Variants in UBE2D4 observed in about 807,000 individuals in gnomAD.
UBE2D4 encodes ubiquitin-conjugating enzyme E2 D4.
UBE2D4 carries 17 observed loss-of-function variants against 23.0 expected under a neutral mutation model. The ratio of observed to expected loss-of-function variants is 0.74; its 90% CI spans 0.51 to 1.11. The LOEUF (loss-of-function observed/expected upper bound fraction) is 1.11. Ranked by LOEUF, UBE2D4 falls within the 50% of genes least tolerant of loss-of-function variation. UBE2D4 has a pLI of 0.00. For synonymous variants in UBE2D4, 61 were observed against 69.4 expected, an observed-to-expected ratio of 0.88 and a Z score of 0.60; for missense variants, 139 against 181.8, an observed-to-expected ratio of 0.76 and a Z score of 1.35.
chr7:43,934,812 C>T (rs572849325), intron 1 of UBE2D4, among the ~76,000 whole-genome samples: 5 of 152,214 alleles, frequency 3.3e-5, no homozygotes, highest in Admixed American at 6.5e-5. Context: ...ATGCTGGTCA[C>T]GTTTTAGTAA....
At chr7:43,931,622 G>GA (rs1489979448) in intron 1 of UBE2D4, among the ~76,000 whole-genome samples, 1 of 140,434 alleles carries the variant, frequency 7.1e-6, no homozygotes, top group Non-Finnish European at 1.6e-5. Context: ...GGGGGGCGGG[G>GA]GGGGTGGCAG....
At chr7:43,946,198 A>C (rs17711128) in intron 4 of UBE2D4, 19,012 of 152,154 alleles carry the variant, frequency 0.12, 1,277 homozygotes, top group Admixed American at 0.19. Flanking sequence ...CACCTGACTC[A>C]GAGCACCTTG....
chr7:43,953,449 C>T lies in UBE2D4; in HGVS notation c.*754C>T, dbSNP rs2096007372. 2 of 335,720 alleles carry T rather than the reference C, an allele frequency of 6.0e-6. No individual in the cohort carries two copies. The highest frequency in any genetic ancestry group is 1.2e-5 in the Non-Finnish European group (2 of 171,924). The allele number at this position is 335,720 out of a possible 1,614,324, so 20.8% of individuals were successfully genotyped here. A position where few individuals can be genotyped will look rare whatever the true frequency, so the allele number is the denominator to read the frequency against. ...ATTTGATGAAGATTCTCACTACCGC[C>T]CGCTCCTCCCATAGGAGCCTACACT... On this transcript the variant is annotated 3_prime_UTR_variant, in exon 7 of 7. Transcript: ENST00000222402.
At position 43,942,989 on chromosome 7, in the gene UBE2D4, GAC is replaced by G. The variant is rs1185346521; in HGVS notation, c.157_158del (p.Thr53HisfsTer24). 6.2e-7 allele frequency: 1 copy of G among 1,614,100 alleles called. No homozygotes were observed. Among genetic ancestry groups the G allele is most frequent in the Admixed American group, 1.7e-5 (1 of 60,004 alleles). On this transcript the variant is annotated frameshift_variant, in exon 4 of 7. Transcript: ENST00000222402. LOFTEE classifies it high-confidence loss of function. ...CTTACCAAGGAGGTGTTTTCTTCCTGACCATCCACTTTCCTACAGATTACCCG... is the reference window on the plus strand; with the variant it reads ...CTTACCAAGGAGGTGTTTTCTTCCTGCATCCACTTTCCTACAGATTACCCG... ...SPYQGGVFFL[T>X]IHFPTDYPFK...
chr7:43,933,013 T>TATACACACAC (rs1340458201), intron 1 of UBE2D4, among the ~76,000 whole-genome samples: 1 of 116,648 alleles, frequency 8.6e-6, no homozygotes, highest in Non-Finnish European at 1.7e-5. Flanking sequence ...TATATATATA[T>TATACACACAC]ACACACACAT....
At chr7:43,950,468 A>G (rs2095999691) in intron 5 of UBE2D4, 131 bp from the exon 6 acceptor site, 2 of 702,160 alleles carry the variant, frequency 2.8e-6, no homozygotes, top group Admixed American at 2.1e-5. Flanking sequence ...GCATCAAGCA[A>G]TTTAGATTGG....
chr7:43,946,027 C>T (rs2095986267), intron 4 of UBE2D4: 1 of 152,086 alleles, frequency 6.6e-6, no homozygotes, highest in Non-Finnish European at 1.5e-5. Context: ...TGTGATCCAC[C>T]CACCTCAACC....
chr7:43,946,133 C>G (rs2095986633), intron 4 of UBE2D4: 1 of 152,098 alleles, frequency 6.6e-6, no homozygotes, highest in East Asian at 1.9e-4. Flanking sequence ...TCACTGCTCA[C>G]CCAGAGGGAG....
At position 43,946,968 on chromosome 7, in the gene UBE2D4, T is replaced by G. The variant is rs766048128; in HGVS notation, c.199-1664T>G. 4.6e-5 allele frequency among the ~76,000 whole-genome samples: 7 copies of G among 152,130 alleles called. No homozygotes were observed. The East Asian group carries it at 5.8e-4, about 13-fold the overall frequency. Reference sequence around the variant, plus strand: ...ATAGGTATACATGTGCCATGTTGGTTTGCTGCACCCATCAACTCATCATTT... The same window carrying G: ...ATAGGTATACATGTGCCATGTTGGTGTGCTGCACCCATCAACTCATCATTT... On this transcript the variant is annotated intron_variant, in intron 4 of 6. Transcript: ENST00000222402.
intron 6 of UBE2D4, chr7:43,951,953 ATATTT>A (rs1195280454): frequency 6.6e-6 from 1 of 152,214 alleles, no homozygotes; most frequent in African/African-American, 2.4e-5. Context: ...TTTTTACAAG[ATATTT>A]TAGACATACC....
chr7:43,943,268 T>G (rs1013319183), intron 4 of UBE2D4: 4 of 595,108 alleles, frequency 6.7e-6, no homozygotes, highest in Non-Finnish European at 1.2e-5. Flanking sequence ...GGCCACAGTT[T>G]GAATGCTTCT....
At chr7:43,938,665 G>T (rs530472248) in intron 2 of UBE2D4, among the ~76,000 whole-genome samples, 171 bp downstream of exon 2, 1 of 152,136 alleles carries the variant, frequency 6.6e-6, no homozygotes, top group Admixed American at 6.5e-5. Context: ...GCGAAACCCC[G>T]TCTCTACTAA....
At chr7:43,932,559 G>A (rs1276283363) in intron 1 of UBE2D4, among the ~76,000 whole-genome samples, 1 of 152,168 alleles carries the variant, frequency 6.6e-6, no homozygotes, top group Non-Finnish European at 1.5e-5. Flanking sequence ...TTGGGAGGCC[G>A]AGGTGGATGG....
At chr7:43,942,673 T>C in intron 2 of UBE2D4, 153 bp from the exon 3 acceptor site, 1 of 990,186 alleles carries the variant, frequency 1.0e-6, no homozygotes, top group Non-Finnish European at 1.6e-6. Context: ...TTATTGCATC[T>C]TGGGTGGTTT....
chr7:43,927,330 C>CTGTCGCCCAGGCTGGAG (rs376471728), intron 1 of UBE2D4, among the ~76,000 whole-genome samples: 4 of 130,446 alleles, frequency 3.1e-5, no homozygotes, highest in African/African-American at 1.2e-4. Context: ...AGGTCTTGCT[C>CTGTCGCCCAGGCTGGAG]TGTCGCCCAG....
At chr7:43,927,941 G>A (rs1376113334) in intron 1 of UBE2D4, 2 of 422,518 alleles carry the variant, frequency 4.7e-6, no homozygotes, top group Non-Finnish European at 4.7e-6. Context: ...TCTGTTTTGT[G>A]TTGCTATAAA....
At chr7:43,943,074 C>G in intron 4 of UBE2D4, 43 bp downstream of exon 4, 1 of 1,594,454 alleles carries the variant, frequency 6.3e-7, no homozygotes, top group Non-Finnish European at 8.6e-7. Context: ...GGATGAAGGA[C>G]AGCATGTGAC....
rs541337319 is a variant in UBE2D4 at position 43,954,815 on chromosome 7, G to C, written c.*2120G>C. The stretch of plus-strand genomic sequence containing the variant: ...TCATGTGGTCAGGGAAGGTGGGACT[G>C]ATTCACATGTTAGAGACAGGTCAGA... On this transcript the variant is annotated 3_prime_UTR_variant, in exon 7 of 7. Coordinates refer to ENST00000222402, the MANE Select transcript of UBE2D4 (RefSeq NM_015983.4). 2 of 152,320 alleles carry C rather than the reference G, an allele frequency of 1.3e-5. No homozygotes were observed. The highest frequency in any genetic ancestry group is 4.2e-4 in the South Asian group (2 of 4,818). The allele number at this position is 152,320 out of a possible 1,614,324, so 9.4% of individuals were successfully genotyped here.
At position 43,953,410 on chromosome 7, in the gene UBE2D4, G is replaced by A. The variant is rs1487931459; in HGVS notation, c.*715G>A. 3 of 347,018 alleles carry A rather than the reference G, an allele frequency of 8.6e-6. No homozygotes were observed. Among genetic ancestry groups the A allele is most frequent in the African/African-American group, 6.5e-5 (3 of 46,506 alleles). The allele number at this position is 347,018 out of a possible 1,614,324, so 21.5% of individuals were successfully genotyped here. A position where few individuals can be genotyped will look rare whatever the true frequency, so the allele number is the denominator to read the frequency against. ...AAATTATGAAACCTCTAGAGATTTGGGTCATGTTACTCCATTTGATGAAGA... is the reference window on the plus strand; with the variant it reads ...AAATTATGAAACCTCTAGAGATTTGAGTCATGTTACTCCATTTGATGAAGA... On this transcript the variant is annotated 3_prime_UTR_variant, in exon 7 of 7. Coordinates refer to ENST00000222402, the MANE Select transcript of UBE2D4 (RefSeq NM_015983.4).
Sources: gnomAD v4.1 joint callset for allele counts (sites outside exome capture counted in the v4.1 genomes callset) on GRCh38, gnomAD v4.1.1 for gene constraint, MANE v1.5 for transcripts, NCBI Gene and HGNC (gene_info 2026-07-23, HGNC 2026-07-21) for gene names.